The following SYT13 variants were observed in gnomAD, a reference collection of about 807,000 sequenced individuals.
SYT13 encodes synaptotagmin-13.
A neutral mutation model predicts 38.6 loss-of-function variants in SYT13; 21 were observed. The observed-to-expected ratio is 0.54, with a 90% confidence interval of 0.39 to 0.78. The LOEUF is 0.78. SYT13 is among the 30% of genes least tolerant of loss of function. SYT13 has a pLI of 0.00. For synonymous variants in SYT13, 241 were observed against 237.6 expected (o/e 1.01, Z -0.13); for missense variants, 495 against 548.7 (o/e 0.90, Z 0.98).
intron 1 of SYT13, among the ~76,000 whole-genome samples, chr11:45,267,637 T>TC (rs745954759): frequency 2.0e-5 from 3 of 151,292 alleles, no homozygotes; most frequent in East Asian, 3.9e-4. Flanking sequence ...TCCGCTCAGC[T>TC]CCCCCCGGCA....
chr11:45,263,728 A>G (rs1212852267), intron 1 of SYT13, among the ~76,000 whole-genome samples: 1 of 152,246 alleles, frequency 6.6e-6, no homozygotes, highest in Non-Finnish European at 1.5e-5. Context: ...TAACGTGTAT[A>G]TAATGAAATA....
At chr11:45,268,161 A>C (rs1429884613) in intron 1 of SYT13, among the ~76,000 whole-genome samples, 1 of 152,176 alleles carries the variant, frequency 6.6e-6, no homozygotes, top group African/African-American at 2.4e-5. Context: ...CACAACAGGA[A>C]TACCAGCCAG....
chr11:45,261,915 C>A (rs76725039), intron 1 of SYT13, among the ~76,000 whole-genome samples: 156 of 130,492 alleles, frequency 1.2e-3, no homozygotes, highest in East Asian at 1.6e-3. Context: ...GACCTTGTCT[C>A]AAAAAAAAAA....
At chr11:45,255,560 C>CG (rs146796282) in intron 2 of SYT13, 106 bp downstream of exon 2, 12,744 of 1,102,724 alleles carry the variant, frequency 0.012, 104 homozygotes, top group Non-Finnish European at 0.013. Flanking sequence ...CGTCAAATGC[C>CG]GGGGCACTCG....
At chr11:45,284,578 A>G (rs1230200551) in intron 1 of SYT13, among the ~76,000 whole-genome samples, 2 of 152,138 alleles carry the variant, frequency 1.3e-5, no homozygotes, top group East Asian at 1.9e-4. Flanking sequence ...CTGGTCATCA[A>G]TAAGACAAAG....
intron 1 of SYT13, among the ~76,000 whole-genome samples, chr11:45,281,190 T>C (rs1260818381): frequency 7.2e-6 from 1 of 138,896 alleles, no homozygotes; most frequent in East Asian, 2.0e-4. Flanking sequence ...AGCAAGACTC[T>C]GTCTCAAAAA....
Position 45,240,711 on chromosome 11 carries a change from G to C in SYT13, c.*3341C>G, listed in dbSNP as rs1854540176. ...ATTTGGTGCAAGAGGTGGAATCACA[G>C]ATTAATGAGGGCAGACTCCCGATTT... On this transcript the variant is annotated 3_prime_UTR_variant, in exon 6 of 6. Coordinates refer to ENST00000020926, the MANE Select transcript of SYT13 (RefSeq NM_020826.3). 2 of 152,230 alleles carry C rather than the reference G, an allele frequency of 1.3e-5. No homozygotes were observed. Among genetic ancestry groups the C allele is most frequent in the South Asian group, 4.1e-4 (2 of 4,828 alleles). The allele number at this position is 152,230 out of a possible 1,614,324, so 9.4% of individuals were successfully genotyped here.
chr11:45,280,364 T>TA (rs1006668489), intron 1 of SYT13, among the ~76,000 whole-genome samples: 62 of 151,692 alleles, frequency 4.1e-4, no homozygotes, highest in African/African-American at 1.2e-3. Context: ...AGCAATTTAT[T>TA]AAAAAAAACA....
At chr11:45,267,897 A>G (rs1236324819) in intron 1 of SYT13, among the ~76,000 whole-genome samples, 3 of 151,936 alleles carry the variant, frequency 2.0e-5, no homozygotes. Flanking sequence ...ATCTTTTGTT[A>G]TCCCTTCCAA....
rs763465094 is a variant in SYT13 at position 45,244,255 on chromosome 11, T to A, written c.1078A>T (p.Ile360Phe). The change falls in exon 6 of 6, where the codon ATC (isoleucine) becomes TTC (phenylalanine). Residue 360 changes from isoleucine to phenylalanine, a missense_variant. Transcript: ENST00000020926. ...HKINPVWNEMIMFELPDDLLQ... is the reference protein window; with the variant it reads ...HKINPVWNEMFMFELPDDLLQ... ...AGGTCGTCAGGCAGCTCAAACATGA[T>A]CATCTCGTTCCACACGGGGTTGATC... The A allele has an allele frequency of 3.7e-6, 6 of 1,614,016 alleles. No individual in the cohort carries two copies. In the Admixed American group the frequency reaches 1.0e-4, roughly 27 times the overall value.
chr11:45,255,991 A>G lies in SYT13; in HGVS notation c.184-100T>C, dbSNP rs1438480932. On this transcript the variant is annotated intron_variant, in intron 1 of 5. Coordinates refer to ENST00000020926, the MANE Select transcript of SYT13 (RefSeq NM_020826.3). ...GGTGAACTGACCTGTTGTAGGATGCAGAGGGAGAGTTGTGGTTTCATTCTG... is the reference window on the plus strand; with the variant it reads ...GGTGAACTGACCTGTTGTAGGATGCGGAGGGAGAGTTGTGGTTTCATTCTG... 5.6e-6 allele frequency: 7 copies of G among 1,246,504 alleles called. No individual in the cohort carries two copies. The East Asian group carries it at 9.5e-5, about 17-fold the overall frequency. 77.2% of individuals were successfully genotyped at this position (1,246,504 alleles called of 1,614,324 possible).
chr11:45,244,222 C>T lies in SYT13; in HGVS notation c.1111G>A (p.Ala371Thr), dbSNP rs1309301439. 1.2e-6 allele frequency: 2 copies of T among 1,614,068 alleles called. No homozygotes were observed. Among genetic ancestry groups the T allele is most frequent in the Non-Finnish European group, 1.7e-6 (2 of 1,180,052 alleles). ...AGCACTTCCAGCTCCACACTGGAGG[C>T]CTGCAGCAGGTCGTCAGGCAGCTCA... ...MFELPDDLLQ[A>T]SSVELEVLGQ... The change falls in exon 6 of 6, where the codon GCC becomes ACC. Residue 371 changes from alanine to threonine, a missense_variant. Physicochemically the swap from Ala to Thr is moderately conservative, Grantham distance 58. Coordinates refer to ENST00000020926, the MANE Select transcript of SYT13 (RefSeq NM_020826.3).
Position 45,252,469 on chromosome 11 carries a change from A to T in SYT13, c.798T>A (p.Ser266=). The T allele has an allele frequency of 6.2e-7, 1 of 1,611,810 alleles. No individual in the cohort carries two copies. The highest frequency in any genetic ancestry group is 8.5e-7 in the Non-Finnish European group (1 of 1,178,982). ...GELRLGLDGT[S]VPLGAAQWGE... ...CCCACTGGGCAGCCCCTAGAGGCACAGATGTCCCGTCCAGGCCCAGGCGGA... is the reference window on the plus strand; with the variant it reads ...CCCACTGGGCAGCCCCTAGAGGCACTGATGTCCCGTCCAGGCCCAGGCGGA... The change falls in exon 4 of 6, where the codon TCT becomes TCA. Residue 266 remains serine (S), a synonymous_variant. Transcript: ENST00000020926. This position sits in a 1 kb window ranked among gnomAD's most constrained non-coding sequence, Gnocchi z 4.3.
rs950736110 is a variant in SYT13, at chr11:45,252,872, C to T, written c.545-150G>A. ...GACCACCCTGGGCACCAGGGAATCG[C>T]CTTTCAGTGAGACATTTAGAAATAG... On this transcript the variant is annotated intron_variant, in intron 3 of 5. Coordinates refer to ENST00000020926, the MANE Select transcript of SYT13 (RefSeq NM_020826.3). This position sits in a 1 kb window ranked among gnomAD's most constrained non-coding sequence, Gnocchi z 4.3. 1.4e-6 allele frequency: 1 copy of T among 696,906 alleles called. No homozygotes were observed. Among genetic ancestry groups the T allele is most frequent in the Non-Finnish European group, 2.2e-6 (1 of 446,794 alleles). 43.2% of individuals were successfully genotyped at this position (696,906 alleles called of 1,614,324 possible).
intron 1 of SYT13, among the ~76,000 whole-genome samples, chr11:45,273,220 C>A (rs76081886): frequency 6.6e-6 from 1 of 152,274 alleles, no homozygotes; most frequent in African/African-American, 2.4e-5. Context: ...GGGCAAGAAG[C>A]AGGAGAGGTC....
chr11:45,256,030 A>C (rs1854743164), intron 1 of SYT13, 139 bp from the exon 2 acceptor site: 2 of 846,170 alleles, frequency 2.4e-6, no homozygotes, highest in African/African-American at 3.4e-5. Context: ...TGAAGAGCAC[A>C]ACCTAGGAAG....
intron 1 of SYT13, among the ~76,000 whole-genome samples, chr11:45,283,936 C>A (rs1197407333): frequency 6.6e-6 from 1 of 152,132 alleles, no homozygotes. Flanking sequence ...TAAAGAGTGC[C>A]ATAAAAGGAT....
intron 1 of SYT13, among the ~76,000 whole-genome samples, chr11:45,257,372 G>A (rs1000398123): frequency 2.6e-5 from 4 of 152,146 alleles, no homozygotes; most frequent in African/African-American, 9.7e-5. Context: ...AAAGCCCTCA[G>A]GTTAAGACAG....
intron 4 of SYT13, among the ~76,000 whole-genome samples, chr11:45,246,997 C>T (rs1854621523): frequency 6.6e-6 from 1 of 152,090 alleles, no homozygotes; most frequent in South Asian, 2.1e-4. Flanking sequence ...CTTTCCAGCT[C>T]CAGGAGGTTG....
Sources: allele counts gnomAD v4.1 joint callset (sites outside exome capture counted in the v4.1 genomes callset), GRCh38; gene constraint gnomAD v4.1.1; non-coding constraint Gnocchi (gnomAD v3.1); transcripts MANE v1.5; gene names NCBI Gene and HGNC (gene_info 2026-07-23, HGNC 2026-07-21).